The following IQSEC2 variants were observed in gnomAD, a reference collection of about 807,000 sequenced individuals.
IQSEC2 encodes IQ motif and Sec7 domain ArfGEF 2.
IQSEC2 carries 6 observed loss-of-function variants against 74.6 expected under a neutral mutation model. The observed-to-expected ratio is 0.08, with a 90% confidence interval of 0.04 to 0.16. The LOEUF is 0.16. Ranked by LOEUF, IQSEC2 falls within the 10% of genes least tolerant of loss-of-function variation. The pLI, the probability that IQSEC2 is intolerant of heterozygous loss-of-function variation, is 1.00. For synonymous variants in IQSEC2, 494 were observed against 544.5 expected, an observed-to-expected ratio of 0.91 and a Z score of 1.29; for missense variants, 734 against 1,306.2, an observed-to-expected ratio of 0.56 and a Z score of 6.75.
At position 53,234,182 on chromosome X, in the gene IQSEC2, C is replaced by A; in HGVS notation, c.*37G>T. ...GCAAGGTCCCTCTCCTGTGGCTCCC[C>A]AGACTTTCCTGTTCCCCAGCTCACT... On this transcript the variant is annotated 3_prime_UTR_variant, in exon 15 of 15. Transcript: ENST00000642864. 1.4e-6 allele frequency: 1 copy of A among 698,572 alleles called. No individual in the cohort carries two copies. Among genetic ancestry groups the A allele is most frequent in the Non-Finnish European group, 2.0e-6 (1 of 497,190 alleles). 57.6% of individuals were successfully genotyped at this position (698,572 alleles called of 1,213,427 possible). A position where few individuals can be genotyped will look rare whatever the true frequency, so the allele number is the denominator to read the frequency against.
At position 53,266,378 on chromosome X, in the gene IQSEC2, A is replaced by C. The variant is rs1288358279; in HGVS notation, c.738-10317T>G. The C allele has an allele frequency of 9.3e-6, 7 of 751,702 alleles. No homozygotes were observed. In the African/African-American group the frequency reaches 1.4e-4, roughly 15 times the overall value. 61.9% of individuals were successfully genotyped at this position (751,702 alleles called of 1,213,427 possible). ...AATTCCTTTGTACACAGCAACACGC[A>C]CTCTGAGAGGCCTTTTCCTCCTGAT... On this transcript the variant is annotated intron_variant, in intron 2 of 14. Coordinates refer to ENST00000642864, the MANE Select transcript of IQSEC2 (RefSeq NM_001111125.3).
chrX:53,267,322 C>G (rs1007767251), intron 2 of IQSEC2, among the ~76,000 whole-genome samples: 2 of 112,076 alleles, frequency 1.8e-5, no homozygotes, highest in Admixed American at 1.9e-4. Flanking sequence ...TATCAACTCC[C>G]TTTCTAACCC....
At chrX:53,320,358 G>A in intron 1 of IQSEC2, 59 bp downstream of exon 1, 1 of 1,005,632 alleles carries the variant, frequency 9.9e-7, no homozygotes, top group African/African-American at 1.9e-5. Flanking sequence ...TCTATCAGCT[G>A]GACAAGTTGG....
intron 3 of IQSEC2, 139 bp downstream of exon 3, chrX:53,255,661 A>C (rs1049363345): frequency 8.5e-6 from 6 of 708,128 alleles, no homozygotes; most frequent in Non-Finnish European, 1.3e-5. Flanking sequence ...CAGTGGGGTG[A>C]AGGGTCCTGG....
At chrX:53,245,342 C>T (rs1173406531) in intron 8 of IQSEC2, among the ~76,000 whole-genome samples, 3 of 107,203 alleles carry the variant, frequency 2.8e-5, no homozygotes, top group African/African-American at 1.0e-4. Flanking sequence ...GTGGGAGGAT[C>T]GCTTGAGCCC....
At chrX:53,312,331 C>T (rs1256887347) in intron 1 of IQSEC2, among the ~76,000 whole-genome samples, 14 of 111,717 alleles carry the variant, frequency 1.3e-4, no homozygotes, top group African/African-American at 4.6e-4. Context: ...CCCTGTGCTC[C>T]CCTCTGGCAT....
Position 53,281,692 on chromosome X carries a change from C to T in IQSEC2, c.737+10203G>A, listed in dbSNP as rs782375053. On this transcript the variant is annotated intron_variant, in intron 2 of 14. Coordinates refer to ENST00000642864, the MANE Select transcript of IQSEC2 (RefSeq NM_001111125.3). Reference sequence around the variant, plus strand: ...GGAAACTTTGCTCCTTCCCCTACTCCTCCAGGAGGGCTGGGAACTCCTCCT... The same window carrying T: ...GGAAACTTTGCTCCTTCCCCTACTCTTCCAGGAGGGCTGGGAACTCCTCCT... The T allele has an allele frequency of 2.4e-4, 124 of 518,037 alleles. 1 individual carries two copies. In the East Asian group the frequency reaches 4.2e-3, roughly 18 times the overall value. The allele number at this position is 518,037 out of a possible 1,213,427, so 42.7% of individuals were successfully genotyped here. A position where few individuals can be genotyped will look rare whatever the true frequency, so the allele number is the denominator to read the frequency against.
chrX:53,321,144 G>A lies in IQSEC2; in HGVS notation c.-21C>T. 1 of 988,022 alleles carries A rather than the reference G, an allele frequency of 1.0e-6. No individual in the cohort carries two copies. The highest frequency in any genetic ancestry group is 1.4e-6 in the Non-Finnish European group (1 of 722,065). The allele number at this position is 988,022 out of a possible 1,213,427, so 81.4% of individuals were successfully genotyped here. A position where few individuals can be genotyped will look rare whatever the true frequency, so the allele number is the denominator to read the frequency against. ...TCCATCCTGGCGGCCCAGGGGCAGG[G>A]GAACGGGCAGGAGAGCCCTGTCCCC... On this transcript the variant is annotated 5_prime_UTR_variant, in exon 1 of 15. Coordinates refer to ENST00000642864, the MANE Select transcript of IQSEC2 (RefSeq NM_001111125.3).
intron 1 of IQSEC2, among the ~76,000 whole-genome samples, chrX:53,302,149 A>G (rs2075217221): frequency 8.9e-6 from 1 of 112,545 alleles, no homozygotes; most frequent in Admixed American, 9.4e-5. Flanking sequence ...AAATGCTTAA[A>G]TGAGAAAATG....
chrX:53,249,178 C>T (rs1184562140), intron 5 of IQSEC2, among the ~76,000 whole-genome samples: 1 of 111,601 alleles, frequency 9.0e-6, no homozygotes, highest in Non-Finnish European at 1.9e-5. Flanking sequence ...TGAGAGCCTG[C>T]TCTATGCCAG....
chrX:53,281,831 G>A (rs2074970377), intron 2 of IQSEC2, among the ~76,000 whole-genome samples: 1 of 111,902 alleles, frequency 8.9e-6, no homozygotes, highest in Non-Finnish European at 1.9e-5. Context: ...AGTTTGTATC[G>A]CTGGCTCTAT....
intron 1 of IQSEC2, among the ~76,000 whole-genome samples, chrX:53,313,310 T>C (rs2075338708): frequency 8.9e-6 from 1 of 111,740 alleles, no homozygotes; most frequent in Non-Finnish European, 1.9e-5. Flanking sequence ...TATTCCTATT[T>C]ACTACTTGAG....
chrX:53,281,601 C>G, intron 2 of IQSEC2: 4 of 1,085,275 alleles, frequency 3.7e-6, no homozygotes, highest in Non-Finnish European at 4.9e-6. Context: ...CTCCCCAGCC[C>G]TTCCCTAGAA....
intron 1 of IQSEC2, among the ~76,000 whole-genome samples, chrX:53,297,753 CTT>C (rs782334816): frequency 7.1e-5 from 8 of 111,961 alleles, no homozygotes; most frequent in Non-Finnish European, 1.5e-4. Context: ...CCATCGGACT[CTT>C]TGTTTCCCTT....
chrX:53,303,822 G>A (rs1373352225), intron 1 of IQSEC2, among the ~76,000 whole-genome samples: 3 of 108,799 alleles, frequency 2.8e-5, no homozygotes, highest in Non-Finnish European at 5.7e-5. Context: ...AAGTGAAAGT[G>A]AAAACCTTTT....
intron 2 of IQSEC2, chrX:53,281,414 G>A (rs1405147697): frequency 1.9e-6 from 1 of 529,456 alleles, no homozygotes; most frequent in African/African-American, 2.4e-5. Context: ...AAGCCAGGAG[G>A]CTGCTGAATC....
chrX:53,294,022 G>A (rs1556873700), intron 1 of IQSEC2, among the ~76,000 whole-genome samples: 4 of 111,465 alleles, frequency 3.6e-5, no homozygotes, highest in South Asian at 7.5e-4. Context: ...CTACCACCAC[G>A]CTCCACTGTA....
chrX:53,260,838 T>C (rs1183182320), intron 2 of IQSEC2, among the ~76,000 whole-genome samples: 1 of 111,633 alleles, frequency 9.0e-6, no homozygotes, highest in African/African-American at 3.3e-5. Context: ...AGAGGTGACA[T>C]AAACTTGCTC....
intron 3 of IQSEC2, among the ~76,000 whole-genome samples, chrX:53,255,169 C>T (rs1272628688): frequency 1.9e-5 from 2 of 104,259 alleles, no homozygotes; most frequent in Non-Finnish European, 3.9e-5. Flanking sequence ...TATTTGAAAA[C>T]AGGAAACAAA....
Sources: allele counts gnomAD v4.1 joint callset (sites outside exome capture counted in the v4.1 genomes callset), GRCh38; gene constraint gnomAD v4.1.1; transcripts MANE v1.5; gene names NCBI Gene and HGNC (gene_info 2026-07-23, HGNC 2026-07-21).